ARAP2: variants seen among roughly 807,000 people sequenced by gnomAD.
ARAP2 encodes arf-GAP with Rho-GAP domain, ANK repeat and PH domain-containing protein 2.
A neutral mutation model predicts 194.5 loss-of-function variants in ARAP2; 148 were observed. The observed-to-expected ratio is 0.76, with a 90% CI of 0.67 to 0.87. The LOEUF (loss-of-function observed/expected upper bound fraction) is 0.87. Ranked by LOEUF, ARAP2 falls within the 40% of genes least tolerant of loss-of-function variation. The pLI is 0.00. For synonymous variants in ARAP2, 695 were observed against 683.5 expected (o/e 1.02, Z -0.26); for missense variants, 2,128 against 1,989.7 (o/e 1.07, Z -1.32).
chr4:36,079,968 A>C (rs913905477), intron 31 of ARAP2, among the ~76,000 whole-genome samples: 8 of 152,166 alleles, frequency 5.3e-5, no homozygotes, highest in Non-Finnish European at 8.8e-5. Flanking sequence ...ACCTCACCTA[A>C]GCCAAGGAGG....
chr4:36,088,842 T>TAA (rs2109373113), intron 28 of ARAP2, among the ~76,000 whole-genome samples: 1 of 152,256 alleles, frequency 6.6e-6, no homozygotes, highest in African/African-American at 2.4e-5. Flanking sequence ...TAACAGATGT[T>TAA]AAAGTCTGGT....
intron 9 of ARAP2, among the ~76,000 whole-genome samples, chr4:36,169,402 C>T (rs78403074): frequency 2.0e-3 from 310 of 152,270 alleles, no homozygotes; most frequent in African/African-American, 6.9e-3. Context: ...AAGGCTCCTG[C>T]ATGAATAGAT....
intron 2 of ARAP2, among the ~76,000 whole-genome samples, chr4:36,219,393 TA>T (rs1223355245): frequency 1.3e-5 from 2 of 152,136 alleles, no homozygotes; most frequent in African/African-American, 4.8e-5. Context: ...TCTTACTGAA[TA>T]AAGATGTGAG....
chr4:36,014,316 A>AAGAGAGAG lies in ARAP2; in HGVS notation n.1056+1069_1056+1070insCTCTCTCT, dbSNP rs879800341. On this transcript the variant is annotated intron_variant and non_coding_transcript_variant, in intron 8 of 12. Transcript: ENST00000503225. ...AAGAAAGAAGAGAAGGAAGGAAAGA[A>AAGAGAGAG]AGAAAGAGAGAAAGAAAGAAAGAAA... is the stretch of plus-strand genomic sequence containing the variant. Among the ~76,000 whole-genome samples the AAGAGAGAG allele has an allele frequency of 4.4e-3, 466 of 106,412 alleles. 11 individuals carry two copies. Among genetic ancestry groups the AAGAGAGAG allele is most frequent in the African/African-American group, 0.018 (451 of 24,544 alleles). The allele number at this position is 106,412 out of a possible 152,430, so 69.8% of individuals were successfully genotyped here. A position where few individuals can be genotyped will look rare whatever the true frequency, so the allele number is the denominator to read the frequency against.
intron 1 of ARAP2, among the ~76,000 whole-genome samples, chr4:36,234,841 C>T (rs1033900076): frequency 6.6e-6 from 1 of 152,134 alleles, no homozygotes; most frequent in Non-Finnish European, 1.5e-5. Flanking sequence ...ATAAGCTACA[C>T]AATAAATACC....
downstream of ARAP2, among the ~76,000 whole-genome samples, chr4:36,064,333 C>A (rs549230886): frequency 2.6e-5 from 4 of 152,202 alleles, no homozygotes; most frequent in South Asian, 6.2e-4. Flanking sequence ...GACCCTACCA[C>A]CTCCTATTCC....
chr4:36,203,296 G>A (rs912902018), intron 6 of ARAP2, among the ~76,000 whole-genome samples: 1 of 152,098 alleles, frequency 6.6e-6, no homozygotes, highest in East Asian at 1.9e-4. Context: ...CCCAAAAACT[G>A]GTTACCAGGC....
intron 5 of ARAP2, among the ~76,000 whole-genome samples, chr4:36,034,061 A>T (rs948524859): frequency 2.6e-5 from 4 of 152,146 alleles, no homozygotes; most frequent in African/African-American, 9.7e-5. Context: ...AATGTAGTAT[A>T]GTTTGAACTT....
intron 2 of ARAP2, among the ~76,000 whole-genome samples, chr4:36,226,403 C>G (rs547736453): frequency 6.6e-6 from 1 of 152,180 alleles, no homozygotes; most frequent in South Asian, 2.1e-4. Flanking sequence ...TCCTTAAAAG[C>G]AGAAGATGAA....
At chr4:36,182,445 G>A (rs1287099843) in intron 8 of ARAP2, among the ~76,000 whole-genome samples, 4 of 151,958 alleles carry the variant, frequency 2.6e-5, no homozygotes, top group East Asian at 3.9e-4. Context: ...GCAGTGAGCC[G>A]AGATTGTGCC....
chr4:36,086,945 A>G (rs1712031377), intron 28 of ARAP2, among the ~76,000 whole-genome samples: 1 of 152,034 alleles, frequency 6.6e-6, no homozygotes, highest in African/African-American at 2.4e-5. Flanking sequence ...CCTGTGTATT[A>G]CCCCAATTTG....
At chr4:36,161,579 T>G (rs538543363) in intron 11 of ARAP2, 29 bp from the exon 12 acceptor site, 1 of 1,547,210 alleles carries the variant, frequency 6.5e-7, no homozygotes, top group Non-Finnish European at 8.9e-7. Context: ...TGCATTTCTA[T>G]TTTAATTTGT....
In ARAP2 at chr4:36,066,894, C is replaced by T. The variant is rs1452968876; in HGVS notation, c.*1013G>A. ...CTCCATAATGGCCATATATTGTATT[C>T]TTCCAGTTATTTCTGACAACTCGGA... On this transcript the variant is annotated 3_prime_UTR_variant, in exon 33 of 33. Transcript: ENST00000303965. 6.6e-6 allele frequency: 1 copy of T among 152,162 alleles called. No homozygotes were observed. Among genetic ancestry groups the T allele is most frequent in the East Asian group, 1.9e-4 (1 of 5,208 alleles). 9.4% of individuals were successfully genotyped at this position (152,162 alleles called of 1,614,324 possible).
intron 5 of ARAP2, among the ~76,000 whole-genome samples, chr4:36,029,066 A>C (rs1343505056): frequency 2.6e-5 from 4 of 152,016 alleles, no homozygotes; most frequent in Admixed American, 6.6e-5. Context: ...TCTGTATTAT[A>C]TGCATGTAAA....
intron 21 of ARAP2, 134 bp from the exon 22 acceptor site, chr4:36,125,101 A>G (rs1577978391): frequency 3.6e-6 from 2 of 557,400 alleles, no homozygotes; most frequent in East Asian, 2.9e-5. Context: ...TCAGTAGACA[A>G]TCGTTCAAAG....
chr4:36,228,091 T>C (rs747299246), intron 2 of ARAP2, among the ~76,000 whole-genome samples: 13 of 152,150 alleles, frequency 8.5e-5, no homozygotes, highest in Non-Finnish European at 1.3e-4. Flanking sequence ...TATTCCTCTT[T>C]GCATCCTTCC....
intron 15 of ARAP2, among the ~76,000 whole-genome samples, chr4:36,152,283 C>T (rs1252202503): frequency 3.3e-5 from 5 of 152,084 alleles, no homozygotes; most frequent in Admixed American, 3.3e-4. Flanking sequence ...AAATATAATT[C>T]CAGGGCCCTC....
chr4:36,122,840 G>T (rs574400105), intron 22 of ARAP2, among the ~76,000 whole-genome samples: 46 of 151,748 alleles, frequency 3.0e-4, no homozygotes, highest in African/African-American at 1.1e-3. Flanking sequence ...TAACAGACGA[G>T]AACTGTAAGT....
chr4:36,226,060 T>G (rs553956166), intron 2 of ARAP2, among the ~76,000 whole-genome samples: 27 of 152,290 alleles, frequency 1.8e-4, no homozygotes, highest in African/African-American at 6.5e-4. Context: ...TTTGCTCATT[T>G]TATGATCTGA....
Sources: gnomAD v4.1 joint callset for allele counts (sites outside exome capture counted in the v4.1 genomes callset) on GRCh38, gnomAD v4.1.1 for gene constraint, MANE v1.5 for transcripts, NCBI Gene and HGNC (gene_info 2026-07-23, HGNC 2026-07-21) for gene names.